The following FKBP1A variants were observed in gnomAD, a reference collection of about 807,000 sequenced individuals.
The protein encoded by FKBP1A is FKBP prolyl isomerase 1A, also known as peptidyl-prolyl cis-trans isomerase FKBP1A.
In FKBP1A, 5 loss-of-function variants were observed where a neutral mutation model predicts 14.2. The observed-to-expected ratio is 0.35, with a 90% CI of 0.18 to 0.74. FKBP1A has a LOEUF of 0.74. Among genes scored for constraint, FKBP1A ranks in the 30% least tolerant of loss-of-function variants. The probability of loss-of-function intolerance (pLI) is 0.56; values close to 1 mark genes in which losing one functional copy is unlikely to be tolerated. For synonymous variants in FKBP1A, 42 were observed against 49.1 expected, an observed-to-expected ratio of 0.86 and a Z score of 0.60; for missense variants, 53 against 138.8, an observed-to-expected ratio of 0.38 and a Z score of 3.10.
In FKBP1A at chr20:1,379,914, GA is replaced by G. The variant is rs1234185764; in HGVS notation, c.86-4312del. 6.6e-6 allele frequency among the ~76,000 whole-genome samples: 1 copy of G among 152,158 alleles called. No homozygotes were observed. The highest frequency in any genetic ancestry group is 1.9e-4 in the East Asian group (1 of 5,176). On this transcript the variant is annotated intron_variant, in intron 2 of 4. Transcript: ENST00000400137. The surrounding 1 kb of genome is among the most constrained non-coding windows in gnomAD (Gnocchi z 4.3). ...GGCCCTAAGTTGTCAGCCTGGGGGA[GA>G]AGGTGGAAGCAGTGTTTGTTAAGCT...
chr20:1,383,345 G>A (rs1217190938), intron 2 of FKBP1A, among the ~76,000 whole-genome samples: 12 of 129,120 alleles, frequency 9.3e-5, no homozygotes, highest in Non-Finnish European at 1.6e-4. Flanking sequence ...GAAGTTTTAA[G>A]ATTAAAAAAA....
intron 2 of FKBP1A, among the ~76,000 whole-genome samples, chr20:1,389,970 C>A (rs1323568344): frequency 1.3e-5 from 2 of 152,188 alleles, no homozygotes; most frequent in Non-Finnish European, 2.9e-5. Flanking sequence ...TCTGGTACCA[C>A]AGAGGTAGTG....
chr20:1,388,530 C>T (rs569409748), intron 2 of FKBP1A, among the ~76,000 whole-genome samples: 31 of 152,332 alleles, frequency 2.0e-4, no homozygotes, highest in African/African-American at 6.7e-4. Context: ...AACTGTGGGA[C>T]AATTTGTTCA....
At chr20:1,388,217 C>T (rs1266772796) in intron 2 of FKBP1A, among the ~76,000 whole-genome samples, 1 of 152,148 alleles carries the variant, frequency 6.6e-6, no homozygotes, top group Admixed American at 6.5e-5. Flanking sequence ...ATTAAACATC[C>T]GGTTCAGAAA....
chr20:1,375,530 C>T lies in FKBP1A; in HGVS notation c.159G>A (p.Lys53=). Residue 53 remains lysine, a synonymous_variant, in exon 3 of 5, where the codon AAG becomes AAA. Coordinates refer to ENST00000400137, the MANE Select transcript of FKBP1A (RefSeq NM_000801.5). ...CTTCCCAGCCTCGGATCACCTCCTG[C>T]TTGCCTAGCATAAACTTAAAGGGCT... ...RNKPFKFMLG[K]QEVIRGWEEG... The T allele has an allele frequency of 3.1e-6, 5 of 1,614,040 alleles. No homozygotes were observed. Among genetic ancestry groups the T allele is most frequent in the Middle Eastern group, 1.7e-4 (1 of 6,058 alleles).
At chr20:1,374,993 C>T (rs558313835) in intron 3 of FKBP1A, among the ~76,000 whole-genome samples, 124 of 152,318 alleles carry the variant, frequency 8.1e-4, no homozygotes, top group Non-Finnish European at 1.3e-3. Context: ...CCTGCCACCA[C>T]GCCCGGCTAA....
chr20:1,370,079 G>A lies in FKBP1A; in HGVS notation c.*37-7C>T. The A allele has an allele frequency of 6.5e-7, 1 of 1,547,770 alleles. No individual in the cohort carries two copies. The highest frequency in any genetic ancestry group is 1.2e-5 in the South Asian group (1 of 84,038). On this transcript the variant is annotated splice_polypyrimidine_tract_variant and splice_region_variant and intron_variant, in intron 4 of 4. Transcript: ENST00000400137. ...AGATCCCTCCATGGCAGATCTGTTG[G>A]GGACAGAAAATCTGTGAGTTTCCAG...
chr20:1,380,789 T>G (rs1187941050), intron 2 of FKBP1A, among the ~76,000 whole-genome samples: 1 of 152,170 alleles, frequency 6.6e-6, no homozygotes, highest in East Asian at 1.9e-4. Flanking sequence ...ATCAATCAAT[T>G]GAAAGCAACC....
In FKBP1A at chr20:1,379,692, T is replaced by C. The variant is rs1301052463; in HGVS notation, c.86-4089A>G. 1.3e-5 allele frequency among the ~76,000 whole-genome samples: 2 copies of C among 152,040 alleles called. No individual in the cohort carries two copies. Among genetic ancestry groups the C allele is most frequent in the African/African-American group, 4.8e-5 (2 of 41,390 alleles). ...AAGGAGAAATCTTCGCAGGGCAGGG[T>C]TGGGTGGTGGCAGTGATGTTGGGGT... On this transcript the variant is annotated intron_variant, in intron 2 of 4. Coordinates refer to ENST00000400137, the MANE Select transcript of FKBP1A (RefSeq NM_000801.5). This position sits in a 1 kb window ranked among gnomAD's most constrained non-coding sequence, Gnocchi z 4.3.
intron 2 of FKBP1A, among the ~76,000 whole-genome samples, chr20:1,383,453 C>A (rs772906971): frequency 7.2e-5 from 11 of 151,824 alleles, no homozygotes; most frequent in Non-Finnish European, 1.6e-4. Flanking sequence ...TTGCCATTTA[C>A]AGTTTGGAGA....
In FKBP1A at chr20:1,392,897, C is replaced by T; in HGVS notation, c.38-16G>A. On this transcript the variant is annotated splice_polypyrimidine_tract_variant and intron_variant, in intron 1 of 4. Coordinates refer to ENST00000400137, the MANE Select transcript of FKBP1A (RefSeq NM_000801.5). ...AAGGTGCGCCCTGAGGAGACAGAGA[C>T]GGGCATGCTGAGCCGATGCGCGCGG... is the stretch of plus-strand genomic sequence containing the variant. 7.5e-7 allele frequency: 1 copy of T among 1,337,652 alleles called. No homozygotes were observed. The highest frequency in any genetic ancestry group is 9.9e-7 in the Non-Finnish European group (1 of 1,013,768). The allele number at this position is 1,337,652 out of a possible 1,614,324, so 82.9% of individuals were successfully genotyped here.
At chr20:1,378,474 T>C (rs1400154468) in intron 2 of FKBP1A, 1 of 152,216 alleles carries the variant, frequency 6.6e-6, no homozygotes, top group African/African-American at 2.4e-5. Flanking sequence ...ATTATACACT[T>C]GTCCAAATGC....
rs755260902 is a variant in FKBP1A at position 1,369,978 on chromosome 20, C to CA, written c.*130dup. On this transcript the variant is annotated 3_prime_UTR_variant, in exon 5 of 5. Coordinates refer to ENST00000400137, the MANE Select transcript of FKBP1A (RefSeq NM_000801.5). The stretch of plus-strand genomic sequence containing the variant: ...AGTGACAGAACACATTCAGTCAGGG[C>CA]AGATGTCTATACAAAGTGGAGTGGA... 6 of 1,539,088 alleles carry CA rather than the reference C, an allele frequency of 3.9e-6. No individual in the cohort carries two copies. Among genetic ancestry groups the CA allele is most frequent in the Non-Finnish European group, 5.3e-6 (6 of 1,139,550 alleles).
rs2089431201 is a variant in FKBP1A, at chr20:1,369,392, A to AC, written c.*716_*717insG. 6.0e-6 allele frequency: 1 copy of AC among 166,464 alleles called. No individual in the cohort carries two copies. The highest frequency in any genetic ancestry group is 6.6e-5 in the Admixed American group (1 of 15,246). 10.3% of individuals were successfully genotyped at this position (166,464 alleles called of 1,614,324 possible). On this transcript the variant is annotated 3_prime_UTR_variant, in exon 5 of 5. Coordinates refer to ENST00000400137, the MANE Select transcript of FKBP1A (RefSeq NM_000801.5). ...AAAAACCACAGGATGAAAAAAAAAA[A>AC]AGGCCACAAAGAAGGCTTCAGAGGT...
chr20:1,371,009 C>T lies in FKBP1A; in HGVS notation c.*37-937G>A, dbSNP rs1008913716. 1.4e-5 allele frequency: 14 copies of T among 985,280 alleles called. No homozygotes were observed. The African/African-American group carries it at 2.3e-4, about 16-fold the overall frequency. The allele number at this position is 985,280 out of a possible 1,614,324, so 61.0% of individuals were successfully genotyped here. A position where few individuals can be genotyped will look rare whatever the true frequency, so the allele number is the denominator to read the frequency against. ...TGGTTCAAACAGAGAGTTTAAAAAG[C>T]CCCTCCACTTACAGATGTGCACAAC... is the stretch of plus-strand genomic sequence containing the variant. On this transcript the variant is annotated intron_variant, in intron 4 of 4. Coordinates refer to ENST00000400137, the MANE Select transcript of FKBP1A (RefSeq NM_000801.5).
chr20:1,381,994 T>C (rs748804621), intron 2 of FKBP1A, among the ~76,000 whole-genome samples: 2 of 152,220 alleles, frequency 1.3e-5, no homozygotes, highest in African/African-American at 2.4e-5. Context: ...GTGCAGTATA[T>C]TGGATTTCAA....
intron 2 of FKBP1A, among the ~76,000 whole-genome samples, chr20:1,384,491 A>G (rs1314906278): frequency 6.6e-6 from 1 of 152,236 alleles, no homozygotes; most frequent in East Asian, 1.9e-4. Context: ...CCACTAGCAG[A>G]GCCATCCTCA....
rs1347370741 is a variant in FKBP1A, at chr20:1,386,227, CAAG to C, written c.85+6604_85+6606del. ...ACCCAAGACCAAATGGCACTTCCTC[CAAG>C]AAGTTCTAGCCTATAGGTGTAGGTT... is the stretch of plus-strand genomic sequence containing the variant. On this transcript the variant is annotated intron_variant, in intron 2 of 4. Transcript: ENST00000400137. The surrounding 1 kb of genome is among the most constrained non-coding windows in gnomAD (Gnocchi z 4.7). 2.6e-5 allele frequency among the ~76,000 whole-genome samples: 4 copies of C among 152,222 alleles called. No individual in the cohort carries two copies. Among genetic ancestry groups the C allele is most frequent in the African/African-American group, 9.6e-5 (4 of 41,452 alleles).
chr20:1,374,703 G>A (rs1352917112), intron 3 of FKBP1A: 2 of 152,222 alleles, frequency 1.3e-5, no homozygotes, highest in African/African-American at 4.8e-5. Flanking sequence ...TACAAGGTGA[G>A]TTACTGCAGC....
Sources: gnomAD v4.1 joint callset for allele counts (sites outside exome capture counted in the v4.1 genomes callset) on GRCh38, gnomAD v4.1.1 for gene constraint, Gnocchi (gnomAD v3.1) non-coding constraint, MANE v1.5 for transcripts, NCBI Gene and HGNC (gene_info 2026-07-23, HGNC 2026-07-21) for gene names.